LOC128125817: variants seen among roughly 807,000 people sequenced by gnomAD.
chr1:41,626,730 C>T, the LOC128125817 span, among the ~76,000 whole-genome samples: 1 of 152,148 alleles, frequency 6.6e-6, no homozygotes, highest in African/African-American at 2.4e-5. Context: ...GTTGAGGTAC[C>T]AGGAAGTGCC....
the LOC128125817 span, among the ~76,000 whole-genome samples, chr1:41,600,132 T>A: frequency 6.6e-6 from 1 of 152,192 alleles, no homozygotes; most frequent in Non-Finnish European, 1.5e-5. Context: ...TGTAAAACGG[T>A]GCAGCCTCTA....
At chr1:41,592,355 C>T in the LOC128125817 span, among the ~76,000 whole-genome samples, 1 of 152,210 alleles carries the variant, frequency 6.6e-6, no homozygotes, top group African/African-American at 2.4e-5. Flanking sequence ...ATCTCAAGAT[C>T]ACTTCCTTTC....
At chr1:41,615,160 G>C in the LOC128125817 span, among the ~76,000 whole-genome samples, 2 of 152,218 alleles carry the variant, frequency 1.3e-5, no homozygotes, top group African/African-American at 4.8e-5. Context: ...AATTGGACTT[G>C]TTTAAAGGTT....
At chr1:41,588,161 T>C in the LOC128125817 span, among the ~76,000 whole-genome samples, 39 of 152,200 alleles carry the variant, frequency 2.6e-4, no homozygotes, top group African/African-American at 8.9e-4. Flanking sequence ...CAGAGAGAAC[T>C]GCTCTTTGGG....
At chr1:41,589,996 G>A in the LOC128125817 span, among the ~76,000 whole-genome samples, 18 of 152,238 alleles carry the variant, frequency 1.2e-4, no homozygotes, top group Non-Finnish European at 2.2e-4. Context: ...CTTATTTAAT[G>A]ACCTAGCAAC....
At chr1:41,599,536 GA>G in the LOC128125817 span, among the ~76,000 whole-genome samples, 2 of 152,162 alleles carry the variant, frequency 1.3e-5, no homozygotes, top group Non-Finnish European at 2.9e-5. Flanking sequence ...TCCTAAAAAT[GA>G]GTAAGAAAAA....
At chr1:41,615,753 G>A in the LOC128125817 span, among the ~76,000 whole-genome samples, 1 of 149,358 alleles carries the variant, frequency 6.7e-6, no homozygotes, top group Admixed American at 6.7e-5. Context: ...ACTCCTGGGA[G>A]CACAGGAGAA....
the LOC128125817 span, among the ~76,000 whole-genome samples, chr1:41,604,845 T>C: frequency 6.6e-6 from 1 of 152,144 alleles, no homozygotes; most frequent in Non-Finnish European, 1.5e-5. Flanking sequence ...GGCTCATGCC[T>C]ATAATCTCAG....
chr1:41,621,805 C>T, the LOC128125817 span, among the ~76,000 whole-genome samples: 2 of 152,152 alleles, frequency 1.3e-5, no homozygotes, highest in Admixed American at 6.5e-5. Context: ...GGCCTAAGCC[C>T]CCAGGCCTGG....
chr1:41,606,138 T>C, the LOC128125817 span, among the ~76,000 whole-genome samples: 2 of 150,426 alleles, frequency 1.3e-5, no homozygotes, highest in Non-Finnish European at 2.9e-5. Flanking sequence ...GCAGAGTTTT[T>C]CGCATTCAAC....
chr1:41,593,835 G>T, the LOC128125817 span, among the ~76,000 whole-genome samples: 1 of 152,220 alleles, frequency 6.6e-6, no homozygotes, highest in Admixed American at 6.5e-5. Context: ...TCGGCTAAAA[G>T]CAAGGTGTCA....
chr1:41,590,325 T>A, the LOC128125817 span, among the ~76,000 whole-genome samples: 1 of 152,220 alleles, frequency 6.6e-6, no homozygotes, highest in African/African-American at 2.4e-5. Context: ...CTTGTAGTAA[T>A]CAAAGGCCCC....
At chr1:41,609,004 A>T in the LOC128125817 span, among the ~76,000 whole-genome samples, 1 of 151,900 alleles carries the variant, frequency 6.6e-6, no homozygotes, top group Non-Finnish European at 1.5e-5. Flanking sequence ...GAATCCCTTG[A>T]ACCTAGGAGG....
At chr1:41,602,314 G>A in the LOC128125817 span, among the ~76,000 whole-genome samples, 2 of 152,200 alleles carry the variant, frequency 1.3e-5, no homozygotes, top group East Asian at 3.9e-4. Flanking sequence ...ATTTTCAGAA[G>A]GATCAATGTT....
At chr1:41,585,649 T>A in the LOC128125817 span, among the ~76,000 whole-genome samples, 1 of 152,300 alleles carries the variant, frequency 6.6e-6, no homozygotes, top group African/African-American at 2.4e-5. Context: ...AGGCCTGGGC[T>A]CTCATCTCTG....
the LOC128125817 span, among the ~76,000 whole-genome samples, chr1:41,591,276 G>C: frequency 7.7e-4 from 117 of 152,182 alleles, 1 homozygote; most frequent in Non-Finnish European, 1.9e-4. Context: ...GAATTCGGAG[G>C]TCAAAGCAGG....
the LOC128125817 span, among the ~76,000 whole-genome samples, chr1:41,589,569 C>A: frequency 6.6e-6 from 1 of 152,222 alleles, no homozygotes; most frequent in Non-Finnish European, 1.5e-5. Flanking sequence ...AGGGTGGACA[C>A]CCCAGAGGAC....
the LOC128125817 span, among the ~76,000 whole-genome samples, chr1:41,594,717 T>C: frequency 0.01 from 1,578 of 152,350 alleles, 30 homozygotes; most frequent in African/African-American, 0.036. Context: ...TACAGAATTT[T>C]TTTTTGTTTC....
chr1:41,600,267 C>T, the LOC128125817 span, among the ~76,000 whole-genome samples: 1 of 152,176 alleles, frequency 6.6e-6, no homozygotes, highest in Non-Finnish European at 1.5e-5. Flanking sequence ...ATGTGTACAT[C>T]TATGTTCATA....
Sources: gnomAD v4.1 joint callset for allele counts (sites outside exome capture counted in the v4.1 genomes callset) on GRCh38, gnomAD v4.1.1 for gene constraint, MANE v1.5 for transcripts.